SIN3A: variants seen among roughly 807,000 people sequenced by gnomAD.
SIN3A encodes the protein SIN3 transcription regulator family member A, also known as paired amphipathic helix protein Sin3a.
In SIN3A, 14 loss-of-function variants were observed where a neutral mutation model predicts 146.1. The observed-to-expected ratio is 0.10, with a 90% CI of 0.06 to 0.15. The LOEUF is 0.15. Ranked by LOEUF, SIN3A falls within the 10% of genes least tolerant of loss-of-function variation. The pLI, the probability that SIN3A is intolerant of heterozygous loss-of-function variation, is 1.00. For missense variants in SIN3A, 1,028 were observed against 1,576.0 expected (o/e 0.65, Z 5.89); for synonymous variants, 572 against 572.0 (o/e 1.00, Z 0.00).
chr15:75,424,155 G>A (rs943441878), intron 2 of SIN3A, among the ~76,000 whole-genome samples: 14 of 151,936 alleles, frequency 9.2e-5, no homozygotes, highest in Admixed American at 6.6e-5. Flanking sequence ...TAAACCCGCC[G>A]GGCGTGGTGG....
rs1595882693 is a variant in SIN3A, at chr15:75,370,281, T to C, written c.*1698A>G. ...AATCAGAGAGGTCTACCATGTGTTTTGAAAATCCAGGAGCCAAAAAATTTT... is the reference window on the plus strand; with the variant it reads ...AATCAGAGAGGTCTACCATGTGTTTCGAAAATCCAGGAGCCAAAAAATTTT... On this transcript the variant is annotated 3_prime_UTR_variant, in exon 21 of 21. Coordinates refer to ENST00000394947, the MANE Select transcript of SIN3A (RefSeq NM_001145358.2). The C allele has an allele frequency of 6.6e-6, 1 of 152,204 alleles. No homozygotes were observed. Among genetic ancestry groups the C allele is most frequent in the Admixed American group, 6.5e-5 (1 of 15,282 alleles). The allele number at this position is 152,204 out of a possible 1,614,324, so 9.4% of individuals were successfully genotyped here.
chr15:75,452,657 G>C (rs2074429381), upstream of SIN3A, among the ~76,000 whole-genome samples: 1 of 152,162 alleles, frequency 6.6e-6, no homozygotes, highest in Non-Finnish European at 1.5e-5. Flanking sequence ...AAAGAGAGGC[G>C]GGCTCTAACA....
intron 10 of SIN3A, among the ~76,000 whole-genome samples, chr15:75,401,357 G>A (rs1480628551): frequency 2.0e-5 from 3 of 151,902 alleles, no homozygotes; most frequent in South Asian, 2.1e-4. Flanking sequence ...GTAAAACACC[G>A]TCTCTACTAA....
At chr15:75,441,100 G>A (rs773318905) in intron 1 of SIN3A, among the ~76,000 whole-genome samples, 4 of 151,916 alleles carry the variant, frequency 2.6e-5, no homozygotes, top group African/African-American at 4.8e-5. Context: ...GTGAGGTGAG[G>A]AGCTCAAGAC....
At chr15:75,398,783 G>A (rs2073351075) in intron 12 of SIN3A, among the ~76,000 whole-genome samples, 1 of 152,064 alleles carries the variant, frequency 6.6e-6, no homozygotes, top group Non-Finnish European at 1.5e-5. Flanking sequence ...GCCAGGGTGG[G>A]ATGATCGCTT....
chr15:75,454,305 C>T (rs985595494), upstream of SIN3A, among the ~76,000 whole-genome samples: 5 of 152,188 alleles, frequency 3.3e-5, no homozygotes, highest in Non-Finnish European at 7.4e-5. Context: ...GCGGGGCCTC[C>T]GGGAGAGCCG....
At chr15:75,440,993 A>G (rs2141610243) in intron 1 of SIN3A, among the ~76,000 whole-genome samples, 1 of 151,308 alleles carries the variant, frequency 6.6e-6, no homozygotes, top group Middle Eastern at 3.4e-3. Flanking sequence ...AAAAAAAAAA[A>G]AAAAAAAAAG....
intron 9 of SIN3A, among the ~76,000 whole-genome samples, chr15:75,404,945 A>C (rs1355973142): frequency 6.6e-6 from 1 of 151,948 alleles, no homozygotes; most frequent in East Asian, 1.9e-4. Flanking sequence ...GGAGTCTGAG[A>C]CCAGCCAGGG....
intron 4 of SIN3A, among the ~76,000 whole-genome samples, chr15:75,413,712 T>C (rs540529675): frequency 2.9e-4 from 44 of 152,230 alleles, no homozygotes; most frequent in African/African-American, 5.3e-4. Context: ...CCCGGCTAAT[T>C]TTTGGAATGG....
At chr15:75,443,306 A>C (rs1034823204) in intron 1 of SIN3A, among the ~76,000 whole-genome samples, 1 of 152,216 alleles carries the variant, frequency 6.6e-6, no homozygotes, top group African/African-American at 2.4e-5. Context: ...ATGAAAGCTT[A>C]AAAGTTGAAA....
At position 75,422,801 on chromosome 15, in the gene SIN3A, G is replaced by C; in HGVS notation, c.212C>G (p.Ser71Cys). 2 of 1,613,448 alleles carry C rather than the reference G, an allele frequency of 1.2e-6. No homozygotes were observed. The highest frequency in any genetic ancestry group is 1.7e-6 in the Non-Finnish European group (2 of 1,179,396). ...TGCTATAGCGGGCCCATGACTGCCG[G>C]AGCTCTGTGGCATGGCTGAAACCTG... ...SYQVSAMPQSSGSHGPAIAAV... is the reference protein window; with the variant it reads ...SYQVSAMPQSCGSHGPAIAAV... The change falls in exon 3 of 21, where the codon TCC (serine) becomes TGC (cysteine). Residue 71 changes from serine (S) to cysteine (C), a missense_variant. Ser to Cys is a moderately radical substitution (Grantham distance 112, BLOSUM62 -1). This residue lies in a region of SIN3A where 152 missense variants were observed against 231.5 expected (regional missense o/e 0.66). Coordinates refer to ENST00000394947, the MANE Select transcript of SIN3A (RefSeq NM_001145358.2).
At chr15:75,433,343 T>C (rs575254051) in intron 1 of SIN3A, among the ~76,000 whole-genome samples, 99 of 152,282 alleles carry the variant, frequency 6.5e-4, no homozygotes, top group African/African-American at 2.2e-3. Context: ...AAAAAGAAGA[T>C]TGTAGTGAGC....
intron 3 of SIN3A, chr15:75,420,558 T>G (rs955631640): frequency 6.6e-6 from 1 of 152,196 alleles, no homozygotes; most frequent in Admixed American, 6.5e-5. Context: ...TGGCTCATTT[T>G]GTATTTTTAG....
chr15:75,419,072 GT>G (rs1463220344), intron 3 of SIN3A: 1 of 152,130 alleles, frequency 6.6e-6, no homozygotes, highest in Non-Finnish European at 1.5e-5. Flanking sequence ...ACAAATGGCT[GT>G]TTAAGAGTTC....
chr15:75,400,614 G>A, intron 11 of SIN3A, 116 bp downstream of exon 11: 2 of 795,452 alleles, frequency 2.5e-6, no homozygotes, highest in Admixed American at 2.8e-5. Flanking sequence ...TTTTTAAAAA[G>A]GATTAAAAGG....
At chr15:75,374,212 A>G (rs923902814) in intron 20 of SIN3A, among the ~76,000 whole-genome samples, 37 of 151,836 alleles carry the variant, frequency 2.4e-4, no homozygotes, top group African/African-American at 9.0e-4. Context: ...AATAATATCT[A>G]CATCTGGGCG....
chr15:75,427,188 C>T (rs1239413414), intron 2 of SIN3A, among the ~76,000 whole-genome samples: 3 of 151,926 alleles, frequency 2.0e-5, no homozygotes, highest in Non-Finnish European at 4.4e-5. Context: ...GCCTGCCCAA[C>T]ATGGCAAAAC....
intron 9 of SIN3A, among the ~76,000 whole-genome samples, chr15:75,403,430 C>CA (rs906043449): frequency 7.3e-4 from 106 of 144,366 alleles, no homozygotes; most frequent in East Asian, 2.8e-3. Flanking sequence ...AACTCCGTCT[C>CA]AAAAAAAAAA....
intron 1 of SIN3A, among the ~76,000 whole-genome samples, chr15:75,434,079 TTAAC>T (rs2074060431): frequency 1.3e-5 from 2 of 152,216 alleles, no homozygotes; most frequent in Admixed American, 1.3e-4. Flanking sequence ...AGCCTGGCTC[TTAAC>T]TACTTCACTA....
Sources: gnomAD v4.1 joint callset for allele counts (sites outside exome capture counted in the v4.1 genomes callset) on GRCh38, gnomAD v4.1.1 for gene constraint, gnomAD v4.1.1 regional missense constraint, MANE v1.5 for transcripts, NCBI Gene and HGNC (gene_info 2026-07-23, HGNC 2026-07-21) for gene names.